The following PIP5KL1 variants were observed in gnomAD, a reference collection of about 807,000 sequenced individuals.
PIP5KL1 encodes phosphatidylinositol 4-phosphate 5-kinase-like protein 1.
A neutral mutation model predicts 47.6 loss-of-function variants in PIP5KL1; 45 were observed. The ratio of observed to expected loss-of-function variants is 0.94; its 90% CI spans 0.74 to 1.21. The LOEUF is 1.21. PIP5KL1 is among the 50% of genes most tolerant of loss of function. PIP5KL1 has a pLI of 0.00. For synonymous variants in PIP5KL1, 256 were observed against 234.6 expected (o/e 1.09, Z -0.84); for missense variants, 577 against 547.6 (o/e 1.05, Z -0.54).
In PIP5KL1 at chr9:127,925,123, T is replaced by G; in HGVS notation, c.901A>C (p.Ile301Leu). The G allele has an allele frequency of 6.2e-7, 1 of 1,614,098 alleles. No homozygotes were observed. Among genetic ancestry groups the G allele is most frequent in the Non-Finnish European group, 8.5e-7 (1 of 1,180,020 alleles). ...GAGGCTCACCTGGCCGTGCGGAAGA[T>G]GAGGCTGCTGCCCGGGCCCCTCTCA... ...EDERGPGSSL[I>L]FRTARSVQGA... Residue 301 changes from isoleucine (I) to leucine (L), a missense_variant, in exon 9 of 10, where the codon ATC becomes CTC. Transcript: ENST00000388747.
rs1831410790 is a variant in PIP5KL1, at chr9:127,929,683, C to G, written c.228+5G>C. 1 of 1,550,594 alleles carries G rather than the reference C, an allele frequency of 6.4e-7. No homozygotes were observed. The highest frequency in any genetic ancestry group is 8.8e-7 in the Non-Finnish European group (1 of 1,141,484). The stretch of plus-strand genomic sequence containing the variant: ...GGAGATTCGTGGGACAGATGGGCCA[C>G]TCACCGTGGGTGGGTGGTCCATGGA... On this transcript the variant is annotated splice_donor_5th_base_variant and intron_variant, in intron 2 of 9. Transcript: ENST00000388747. The surrounding 1 kb of genome is among the most constrained non-coding windows in gnomAD (Gnocchi z 4.0).
Position 127,921,941 on chromosome 9 carries a change from T to C in PIP5KL1, c.1091A>G (p.Lys364Arg), listed in dbSNP as rs1176921636. The C allele has an allele frequency of 6.3e-7, 1 of 1,577,978 alleles. No individual in the cohort carries two copies. Among genetic ancestry groups the C allele is most frequent in the Non-Finnish European group, 8.6e-7 (1 of 1,163,432 alleles). ...GLRKRLEHLW[K>R]TLRYPGRTFS... ...GGTCCGGCCTGGGTAGCGCAGTGTC[T>C]TCCACAGGTGCTCCAGCCGCTTGCG... The change falls in exon 10 of 10, where the codon AAG becomes AGG. Residue 364 changes from lysine (K) to arginine (R), a missense_variant. Physicochemically the swap from Lys to Arg is conservative, Grantham distance 26 (BLOSUM62 2). Coordinates refer to ENST00000388747, the MANE Select transcript of PIP5KL1 (RefSeq NM_001135219.2).
At chr9:127,923,680 G>C (rs1831321024) in intron 9 of PIP5KL1, among the ~76,000 whole-genome samples, 1 of 152,212 alleles carries the variant, frequency 6.6e-6, no homozygotes, top group African/African-American at 2.4e-5. Flanking sequence ...TCCTCTGAGG[G>C]GTAGGAACGA....
chr9:127,924,681 G>C (rs1019381177), intron 9 of PIP5KL1, among the ~76,000 whole-genome samples: 1 of 148,316 alleles, frequency 6.7e-6, no homozygotes, highest in Non-Finnish European at 1.5e-5. Context: ...AAGCAAAAAT[G>C]TTAAAAATTA....
intron 7 of PIP5KL1, among the ~76,000 whole-genome samples, chr9:127,926,347 C>T (rs1238727214): frequency 6.6e-6 from 1 of 151,928 alleles, no homozygotes; most frequent in African/African-American, 2.4e-5. Flanking sequence ...GCCTTGACCT[C>T]CTGGGCTCAG....
chr9:127,928,692 G>T, intron 2 of PIP5KL1: 1 of 600,906 alleles, frequency 1.7e-6, no homozygotes, highest in Non-Finnish European at 2.9e-6. Context: ...GTGACCCACG[G>T]CAAGGCCTGA....
At position 127,929,875 on chromosome 9, in the gene PIP5KL1, G is replaced by T. The variant is rs1831414258; in HGVS notation, c.41C>A (p.Pro14His). ...PSPGPREVLAPSPEAGCRAVT... is the reference protein window; with the variant it reads ...PSPGPREVLAHSPEAGCRAVT... The stretch of plus-strand genomic sequence containing the variant: ...TGCTCTGCATCCAGCCTCAGGGGAG[G>T]GGGCCAGGACCTGGTGGGAGGAGGC... Residue 14 changes from proline to histidine, a missense_variant, in exon 2 of 10, where the codon CCC becomes CAC. Pro to His is a moderately conservative substitution (Grantham distance 77). Transcript: ENST00000388747. The surrounding 1 kb of genome is among the most constrained non-coding windows in gnomAD (Gnocchi z 4.0). 6.5e-7 allele frequency: 1 copy of T among 1,534,904 alleles called. No homozygotes were observed. The highest frequency in any genetic ancestry group is 2.0e-5 in the Admixed American group (1 of 50,682).
At position 127,929,354 on chromosome 9, in the gene PIP5KL1, G is replaced by T. The variant is rs539148998; in HGVS notation, c.228+334C>A. On this transcript the variant is annotated intron_variant, in intron 2 of 9. Coordinates refer to ENST00000388747, the MANE Select transcript of PIP5KL1 (RefSeq NM_001135219.2). This position sits in a 1 kb window ranked among gnomAD's most constrained non-coding sequence, Gnocchi z 4.0. ...CTAGGCCAGCAGGGTGGGGGTGGGG[G>T]TCCCTTTTCAACCATATACCCTGGC... 1.3e-5 allele frequency among the ~76,000 whole-genome samples: 2 copies of T among 152,108 alleles called. No individual in the cohort carries two copies. The highest frequency in any genetic ancestry group is 4.2e-4 in the South Asian group (2 of 4,808).
chr9:127,930,589 T>C lies in PIP5KL1; in HGVS notation c.30+134A>G, dbSNP rs1831421330. The C allele has an allele frequency of 5.3e-6, 6 of 1,122,304 alleles. No homozygotes were observed. In the South Asian group the frequency reaches 9.9e-5, roughly 19 times the overall value. The allele number at this position is 1,122,304 out of a possible 1,614,324, so 69.5% of individuals were successfully genotyped here. A position where few individuals can be genotyped will look rare whatever the true frequency, so the allele number is the denominator to read the frequency against. On this transcript the variant is annotated intron_variant, in intron 1 of 9. Coordinates refer to ENST00000388747, the MANE Select transcript of PIP5KL1 (RefSeq NM_001135219.2). ...GATACCTGGCGCCCCGTGTGGGGCG[T>C]GTCCTGGTCTTCGCCGGCTGCAGGG...
intron 9 of PIP5KL1, among the ~76,000 whole-genome samples, chr9:127,923,224 A>C (rs1203718373): frequency 6.6e-6 from 1 of 152,154 alleles, no homozygotes; most frequent in Non-Finnish European, 1.5e-5. Context: ...AAGGGCTTTA[A>C]TCCTGTCCTG....
At chr9:127,930,702 C>A (rs889893501) in intron 1 of PIP5KL1, 21 bp downstream of exon 1, 1 of 1,564,776 alleles carries the variant, frequency 6.4e-7, no homozygotes, top group East Asian at 2.5e-5. Context: ...CTCTCCTGTC[C>A]TCTCTCGGGT....
Position 127,927,876 on chromosome 9 carries a change from G to A in PIP5KL1, c.435-104C>T. ...ACGTGGATCTCGCTCCCAGGTCTCG[G>A]CACCGCCTCTCTCGCCTTCGGCCCT... On this transcript the variant is annotated intron_variant, in intron 4 of 9. Transcript: ENST00000388747. The surrounding 1 kb of genome is among the most constrained non-coding windows in gnomAD (Gnocchi z 5.5). The A allele has an allele frequency of 2.0e-6, 3 of 1,495,108 alleles. No individual in the cohort carries two copies. Among genetic ancestry groups the A allele is most frequent in the South Asian group, 2.5e-5 (2 of 78,540 alleles). The allele number at this position is 1,495,108 out of a possible 1,614,324, so 92.6% of individuals were successfully genotyped here. A position where few individuals can be genotyped will look rare whatever the true frequency, so the allele number is the denominator to read the frequency against.
In PIP5KL1 at chr9:127,928,068, A is replaced by C. The variant is rs755899147; in HGVS notation, c.431T>G (p.Leu144Arg). The C allele has an allele frequency of 4.5e-6, 7 of 1,552,042 alleles. No individual in the cohort carries two copies. Among genetic ancestry groups the C allele is most frequent in the Non-Finnish European group, 6.1e-6 (7 of 1,150,604 alleles). The change falls in exon 4 of 10, where the codon CTG (leucine) becomes CGG (arginine). Residue 144 changes from leucine to arginine, a missense_variant. By Grantham distance (102) the Leu-to-Arg change is moderately radical (BLOSUM62 -2). Coordinates refer to ENST00000388747, the MANE Select transcript of PIP5KL1 (RefSeq NM_001135219.2). ...CCCACCCCTGCCGCAAGCTCACGAC[A>C]GGAAGAAGCTGGCCTTGCTCTTGGA... ...STSKSKASFFLSHDQRFFLKT... is the reference protein window; with the variant it reads ...STSKSKASFFRSHDQRFFLKT...
intron 9 of PIP5KL1, among the ~76,000 whole-genome samples, chr9:127,924,344 G>T (rs528844320): frequency 6.6e-5 from 10 of 152,242 alleles, no homozygotes; most frequent in Admixed American, 5.2e-4. Context: ...ACAAAAATTA[G>T]CCGGGCATGC....
At chr9:127,922,710 AAGAAAAAAG>A (rs1564136491) in intron 9 of PIP5KL1, among the ~76,000 whole-genome samples, 7 of 138,436 alleles carry the variant, frequency 5.1e-5, no homozygotes, top group South Asian at 2.2e-4. Context: ...AAAAAAAAAA[AAGAAAAAAG>A]AAAAAGAAAA....
chr9:127,924,936 ACT>A (rs1831338177), intron 9 of PIP5KL1, among the ~76,000 whole-genome samples, 169 bp downstream of exon 9: 1 of 151,498 alleles, frequency 6.6e-6, no homozygotes, highest in African/African-American at 2.4e-5. Context: ...GCATGCATGC[ACT>A]CACACATATG....
rs763098402 is a variant in PIP5KL1 at position 127,921,883 on chromosome 9, A to G, written c.1149T>C (p.Arg383=). 21 of 1,574,122 alleles carry G rather than the reference A, an allele frequency of 1.3e-5. No homozygotes were observed. Among genetic ancestry groups the G allele is most frequent in the African/African-American group, 4.0e-5 (3 of 74,218 alleles). The change falls in exon 10 of 10, where the codon CGT becomes CGC. Residue 383 remains arginine (R), a synonymous_variant. Transcript: ENST00000388747. ...GCGCCTCCACCCACTGGCAGAGGCG[A>G]CGGGCGTAGCGAGCCGGGCTGACAG... ...FSTVSPARYA[R]RLCQWVEAHT... is the part of the protein sequence containing the mutation.
chr9:127,927,703 G>C lies in PIP5KL1; in HGVS notation c.504C>G (p.Pro168=). 1 of 1,548,376 alleles carries C rather than the reference G, an allele frequency of 6.5e-7. No individual in the cohort carries two copies. Among genetic ancestry groups the C allele is most frequent in the Non-Finnish European group, 8.7e-7 (1 of 1,147,414 alleles). Reference sequence around the variant, plus strand: ...GCCGCTGCAGGTGCTGCACGTAGCGGGGCAGGTGGGCGAGCAGAGCCTGCA... The same window carrying C: ...GCCGCTGCAGGTGCTGCACGTAGCGCGGCAGGTGGGCGAGCAGAGCCTGCA... The part of the protein sequence containing the change: ...REVQALLAHL[P]RYVQHLQRHP... Residue 168 remains proline (P), a synonymous_variant, in exon 5 of 10, where the codon CCC becomes CCG. Transcript: ENST00000388747. The surrounding 1 kb of genome is among the most constrained non-coding windows in gnomAD (Gnocchi z 5.5).
intron 9 of PIP5KL1, among the ~76,000 whole-genome samples, chr9:127,924,212 C>T (rs1787638148): frequency 1.3e-5 from 2 of 152,062 alleles, no homozygotes; most frequent in African/African-American, 2.4e-5. Flanking sequence ...ACTAAAAATA[C>T]GAAAATTGGC....
Sources: allele counts gnomAD v4.1 joint callset (sites outside exome capture counted in the v4.1 genomes callset), GRCh38; gene constraint gnomAD v4.1.1; non-coding constraint Gnocchi (gnomAD v3.1); transcripts MANE v1.5; gene names NCBI Gene and HGNC (gene_info 2026-07-23, HGNC 2026-07-21).